Variants in FGFR2 observed in about 807,000 individuals in gnomAD.
FGFR2 encodes BEK fibroblast growth factor receptor.
Under a neutral mutation model 95.9 loss-of-function variants are expected in FGFR2, and 19 were observed. The ratio of observed to expected loss-of-function variants is 0.20; its 90% CI spans 0.14 to 0.29. The LOEUF is 0.29. Ranked by LOEUF, FGFR2 falls within the 10% of genes least tolerant of loss-of-function variation. FGFR2 has a pLI of 1.00. For synonymous variants in FGFR2, 392 were observed against 393.3 expected (o/e 1.00, Z 0.04); for missense variants, 707 against 1,056.9 (o/e 0.67, Z 4.59).
At chr10:121,521,748 A>G (rs1850578114) in intron 6 of FGFR2, among the ~76,000 whole-genome samples, 1 of 152,202 alleles carries the variant, frequency 6.6e-6, no homozygotes, top group Non-Finnish European at 1.5e-5. Flanking sequence ...CATGGAAAAC[A>G]ATATGGAGGT....
intron 2 of FGFR2, among the ~76,000 whole-genome samples, chr10:121,588,745 C>T (rs976072767): frequency 2.6e-5 from 4 of 152,030 alleles, no homozygotes; most frequent in South Asian, 2.1e-4. Flanking sequence ...CCCATATCTA[C>T]GAAATATTTT....
At chr10:121,540,002 A>G (rs746700315) in intron 5 of FGFR2, among the ~76,000 whole-genome samples, 4 of 152,194 alleles carry the variant, frequency 2.6e-5, no homozygotes, top group Non-Finnish European at 5.9e-5. Context: ...ACTCAGTTCT[A>G]TGCAAGCCAT....
At chr10:121,520,645 T>A (rs902170465) in intron 6 of FGFR2, among the ~76,000 whole-genome samples, 1 of 151,602 alleles carries the variant, frequency 6.6e-6, no homozygotes, top group Non-Finnish European at 1.5e-5. Context: ...TCCCAATACA[T>A]TTTTTTTTCT....
chr10:121,591,602 T>G (rs1428540981), intron 2 of FGFR2, among the ~76,000 whole-genome samples: 1 of 152,240 alleles, frequency 6.6e-6, no homozygotes, highest in Non-Finnish European at 1.5e-5. Flanking sequence ...AACTGAGGCC[T>G]GGGACTTGTA....
intron 2 of FGFR2, among the ~76,000 whole-genome samples, chr10:121,590,592 A>G (rs1187008963): frequency 6.6e-6 from 1 of 152,218 alleles, no homozygotes. Flanking sequence ...TCTTAAGTCA[A>G]TTGAGTGGGC....
At chr10:121,563,566 G>A (rs1225900263) in intron 4 of FGFR2, among the ~76,000 whole-genome samples, 1 of 152,124 alleles carries the variant, frequency 6.6e-6, no homozygotes, top group Non-Finnish European at 1.5e-5. Context: ...TGCAAGTAAT[G>A]CTATATTGTA....
At chr10:121,506,742 T>C (rs1174805622) in intron 9 of FGFR2, among the ~76,000 whole-genome samples, 2 of 152,138 alleles carry the variant, frequency 1.3e-5, no homozygotes, top group Non-Finnish European at 2.9e-5. Context: ...TGGAAGGATA[T>C]ATAAGAGACT....
At chr10:121,522,375 A>G (rs1850682549) in intron 6 of FGFR2, among the ~76,000 whole-genome samples, 1 of 152,158 alleles carries the variant, frequency 6.6e-6, no homozygotes, top group African/African-American at 2.4e-5. Flanking sequence ...TGGGCAACAT[A>G]GCAAGATCCC....
chr10:121,588,261 G>C (rs1167932671), intron 2 of FGFR2, among the ~76,000 whole-genome samples: 1 of 152,070 alleles, frequency 6.6e-6, no homozygotes, highest in Non-Finnish European at 1.5e-5. Flanking sequence ...GTGGGTGGGA[G>C]GAGAGAGAGG....
At chr10:121,490,647 T>C (rs1846013680) in intron 13 of FGFR2, among the ~76,000 whole-genome samples, 1 of 152,202 alleles carries the variant, frequency 6.6e-6, no homozygotes, top group African/African-American at 2.4e-5. Context: ...ACACTGGTTA[T>C]TGGCAAAGGT....
chr10:121,521,777 C>T (rs1564922224), intron 6 of FGFR2, among the ~76,000 whole-genome samples: 1 of 152,098 alleles, frequency 6.6e-6, no homozygotes, highest in Non-Finnish European at 1.5e-5. Flanking sequence ...AAATTAAAAA[C>T]AGAACTACCC....
intron 11 of FGFR2, among the ~76,000 whole-genome samples, chr10:121,499,974 A>T (rs1847379199): frequency 6.6e-6 from 1 of 152,172 alleles, no homozygotes; most frequent in Non-Finnish European, 1.5e-5. Context: ...AGAAAGACAA[A>T]GCCTAACTCC....
chr10:121,526,646 G>A (rs1851405240), intron 6 of FGFR2: 1 of 398,492 alleles, frequency 2.5e-6, no homozygotes, highest in Admixed American at 4.4e-5. Context: ...TTCAGAAAGA[G>A]CCCAGGTGCC....
At chr10:121,495,492 C>T (rs1197610164) in intron 13 of FGFR2, among the ~76,000 whole-genome samples, 1 of 152,236 alleles carries the variant, frequency 6.6e-6, no homozygotes, top group Middle Eastern at 3.4e-3. Context: ...TATGCCACGG[C>T]ACTCCAGCCT....
At chr10:121,581,575 C>CAA (rs67205229) in intron 2 of FGFR2, among the ~76,000 whole-genome samples, 1 of 122,000 alleles carries the variant, frequency 8.2e-6, no homozygotes, top group Non-Finnish European at 1.7e-5. Context: ...CCATCTCTAC[C>CAA]AAAAAAAAAA....
chr10:121,524,142 A>ACCCCCC (rs904480348), intron 6 of FGFR2, among the ~76,000 whole-genome samples: 6 of 126,012 alleles, frequency 4.8e-5, no homozygotes, highest in African/African-American at 1.7e-4. Context: ...ACACACACAC[A>ACCCCCC]CACACCCCAA....
intron 13 of FGFR2, among the ~76,000 whole-genome samples, chr10:121,492,889 AC>A (rs1846317301): frequency 6.6e-6 from 1 of 151,908 alleles, no homozygotes; most frequent in South Asian, 2.1e-4. Flanking sequence ...ACAACCCCTC[AC>A]CCGCCCCCCA....
intron 17 of FGFR2, chr10:121,480,424 G>C (rs1463099375): frequency 3.2e-6 from 1 of 312,920 alleles, no homozygotes; most frequent in Non-Finnish European, 6.0e-6. Flanking sequence ...CTCCTCACTA[G>C]AGCCCTTGCT....
intron 12 of FGFR2, among the ~76,000 whole-genome samples, chr10:121,498,220 A>C (rs1847129973): frequency 6.6e-6 from 1 of 152,158 alleles, no homozygotes; most frequent in African/African-American, 2.4e-5. Flanking sequence ...GCCTTTTCCA[A>C]AACCCCCTCC....
Sources: allele counts gnomAD v4.1 joint callset (sites outside exome capture counted in the v4.1 genomes callset), GRCh38; gene constraint gnomAD v4.1.1; transcripts MANE v1.5; gene names NCBI Gene and HGNC (gene_info 2026-07-23, HGNC 2026-07-21).